IQGAP1: variants seen among roughly 807,000 people sequenced by gnomAD.
IQGAP1 encodes IQ motif containing GTPase activating protein 1.
Under a neutral mutation model 215.6 loss-of-function variants are expected in IQGAP1, and 66 were observed. That is an observed-to-expected ratio of 0.31 (90% CI 0.25 to 0.38). IQGAP1 has a LOEUF of 0.38. IQGAP1 is among the 10% of genes least tolerant of loss of function. The probability of loss-of-function intolerance (pLI) is 1.00; values close to 1 mark genes in which losing one functional copy is unlikely to be tolerated. For missense variants in IQGAP1, 1,712 were observed against 1,997.1 expected, an observed-to-expected ratio of 0.86 and a Z score of 2.72; for synonymous variants, 772 against 728.7, an observed-to-expected ratio of 1.06 and a Z score of -0.96.
In IQGAP1 at chr15:90,421,728, C is replaced by A. The variant is rs151083368; in HGVS notation, c.156-4382C>A. Among the ~76,000 whole-genome samples, 954 of 152,268 alleles carry A rather than the reference C, an allele frequency of 6.3e-3. 10 individuals are homozygous for A. Among genetic ancestry groups the A allele is most frequent in the African/African-American group, 0.022 (915 of 41,550 alleles). On this transcript the variant is annotated intron_variant, in intron 2 of 37. Coordinates refer to ENST00000268182, the MANE Select transcript of IQGAP1 (RefSeq NM_003870.4). ...TCTTTTAAGACAGAGACTTGCTCTGCTGTTGCCCAGGCTGGAGTGCAGTGA... is the reference window on the plus strand; with the variant it reads ...TCTTTTAAGACAGAGACTTGCTCTGATGTTGCCCAGGCTGGAGTGCAGTGA...
Position 90,477,285 on chromosome 15 carries a change from C to G in IQGAP1, c.3104+55C>G, listed in dbSNP as rs1965993438. The G allele has an allele frequency of 4.2e-6, 6 of 1,427,616 alleles. No homozygotes were observed. The South Asian group carries it at 6.2e-5, about 15-fold the overall frequency. The allele number at this position is 1,427,616 out of a possible 1,614,324, so 88.4% of individuals were successfully genotyped here. A position where few individuals can be genotyped will look rare whatever the true frequency, so the allele number is the denominator to read the frequency against. ...CCCTTCCCACTATCAGAGGGGCTCCCAGTTTGAGATTCATGCCTTCCTGAT... is the reference window on the plus strand; with the variant it reads ...CCCTTCCCACTATCAGAGGGGCTCCGAGTTTGAGATTCATGCCTTCCTGAT... On this transcript the variant is annotated intron_variant, in intron 25 of 37. Transcript: ENST00000268182.
intron 36 of IQGAP1, among the ~76,000 whole-genome samples, chr15:90,495,778 C>G (rs770458392): frequency 6.7e-6 from 1 of 150,350 alleles, no homozygotes; most frequent in East Asian, 1.9e-4. Flanking sequence ...GGTGGGACTA[C>G]AGGCATGCAC....
At chr15:90,402,743 GA>G in intron 2 of IQGAP1, among the ~76,000 whole-genome samples, 1 of 152,224 alleles carries the variant, frequency 6.6e-6, no homozygotes. Context: ...AGGAATACAA[GA>G]GGGAGTGGGG....
intron 33 of IQGAP1, among the ~76,000 whole-genome samples, chr15:90,488,153 G>A (rs375840355): frequency 2.6e-4 from 40 of 152,164 alleles, no homozygotes; most frequent in African/African-American, 9.4e-4. Flanking sequence ...CCCAGGAGGC[G>A]GAGCCTGCAT....
At chr15:90,452,196 G>T (rs953794791) in intron 11 of IQGAP1, among the ~76,000 whole-genome samples, 5 of 152,138 alleles carry the variant, frequency 3.3e-5, no homozygotes, top group African/African-American at 4.8e-5. Flanking sequence ...CACACTTCAT[G>T]ATTTGTTAGG....
intron 2 of IQGAP1, among the ~76,000 whole-genome samples, chr15:90,410,693 G>T (rs1182096371): frequency 6.6e-6 from 1 of 151,514 alleles, no homozygotes; most frequent in Non-Finnish European, 1.5e-5. Context: ...TTGTGGGGTA[G>T]GGGGAGGGGA....
At position 90,441,554 on chromosome 15, in the gene IQGAP1, C is replaced by G; in HGVS notation, c.698C>G (p.Pro233Arg). The change falls in exon 8 of 38, where the codon CCA (proline) becomes CGA (arginine). Residue 233 changes from proline (P) to arginine (R), a missense_variant. Around this residue, in one of 2 missense-constraint regions of IQGAP1, gnomAD observed 1,021 missense variants for 1,074.2 expected, o/e 0.95. Coordinates refer to ENST00000268182, the MANE Select transcript of IQGAP1 (RefSeq NM_003870.4). ...AINEAIDRRI[P>R]ADTFAALKNP... ...AATGAAGCTATTGACCGTAGAATTC[C>G]AGCCGACACATTTGCAGCTTTGAAA... 2 of 1,613,512 alleles carry G rather than the reference C, an allele frequency of 1.2e-6. No individual in the cohort carries two copies. Among genetic ancestry groups the G allele is most frequent in the Non-Finnish European group, 1.7e-6 (2 of 1,179,880 alleles).
intron 9 of IQGAP1, among the ~76,000 whole-genome samples, chr15:90,445,373 C>T (rs1965513206): frequency 6.6e-6 from 1 of 152,058 alleles, no homozygotes; most frequent in African/African-American, 2.4e-5. Context: ...CTCATCTCTT[C>T]CTAATCCAAA....
At chr15:90,409,235 C>CTTTT (rs138296381) in intron 2 of IQGAP1, among the ~76,000 whole-genome samples, 1 of 118,450 alleles carries the variant, frequency 8.4e-6, no homozygotes, top group Non-Finnish European at 1.7e-5. Context: ...CCTATATTCA[C>CTTTT]TTTTTTTTTT....
At chr15:90,427,102 CAA>C (rs34625303) in intron 3 of IQGAP1, among the ~76,000 whole-genome samples, 1 of 145,526 alleles carries the variant, frequency 6.9e-6, no homozygotes. Context: ...CCCTGTCTTA[CAA>C]AAAAAAAAAT....
intron 15 of IQGAP1, among the ~76,000 whole-genome samples, chr15:90,464,655 C>T (rs1214001649): frequency 6.6e-6 from 1 of 152,012 alleles, no homozygotes; most frequent in African/African-American, 2.4e-5. Flanking sequence ...TTGAGACCAT[C>T]CTGGCTAACA....
At position 90,476,729 on chromosome 15, in the gene IQGAP1, A is replaced by G; in HGVS notation, c.2851A>G (p.Ile951Val). 1 of 1,606,690 alleles carries G rather than the reference A, an allele frequency of 6.2e-7. No homozygotes were observed. ...GGAACAGTTGTCTGATATGATGATG[A>G]TAAATAAACAGAAGGGAGGTCTCAA... ...NKEQLSDMMM[I>V]NKQKGGLKAL... is the part of the protein sequence containing the mutation. The change falls in exon 24 of 38, where the codon ATA (isoleucine) becomes GTA (valine). Residue 951 changes from isoleucine to valine, a missense_variant. Around this residue, in one of 2 missense-constraint regions of IQGAP1, gnomAD observed 691 missense variants for 923.0 expected, o/e 0.75. Coordinates refer to ENST00000268182, the MANE Select transcript of IQGAP1 (RefSeq NM_003870.4).
At chr15:90,418,486 G>C (rs150445935) in intron 2 of IQGAP1, among the ~76,000 whole-genome samples, 51 of 152,158 alleles carry the variant, frequency 3.4e-4, no homozygotes, top group African/African-American at 1.2e-3. Flanking sequence ...TACTCAGGAG[G>C]CTGAGGTGGG....
chr15:90,404,643 G>T (rs1232972021), intron 2 of IQGAP1, among the ~76,000 whole-genome samples: 2 of 151,826 alleles, frequency 1.3e-5, no homozygotes, highest in African/African-American at 2.4e-5. Context: ...CTGTTGCCCA[G>T]CCTGGCGTGC....
intron 9 of IQGAP1, 78 bp downstream of exon 9, chr15:90,443,556 A>G (rs988900497): frequency 3.7e-6 from 3 of 813,790 alleles, no homozygotes; most frequent in South Asian, 1.8e-5. Flanking sequence ...GGGACTTACA[A>G]CATAGTTTGA....
chr15:90,409,784 A>G (rs1193335795), intron 2 of IQGAP1, among the ~76,000 whole-genome samples: 1 of 151,982 alleles, frequency 6.6e-6, no homozygotes, highest in African/African-American at 2.4e-5. Context: ...AAGTGTTCCT[A>G]TTTCTCCACA....
At chr15:90,488,291 G>A (rs28629981) in intron 33 of IQGAP1, among the ~76,000 whole-genome samples, 34,997 of 151,736 alleles carry the variant, frequency 0.23, 5,666 homozygotes, top group African/African-American at 0.46. Flanking sequence ...ATATACTTAC[G>A]TTCTCCCATA....
At chr15:90,474,834 A>G (rs1248035636) in intron 23 of IQGAP1, 141 bp downstream of exon 23, 1 of 622,548 alleles carries the variant, frequency 1.6e-6, no homozygotes, top group East Asian at 2.8e-5. Context: ...TTTTCTTTTG[A>G]CTGAGTCTCA....
At position 90,500,130 on chromosome 15, in the gene IQGAP1, A is replaced by G; in HGVS notation, c.*22A>G. 2.2e-6 allele frequency: 3 copies of G among 1,358,214 alleles called. No individual in the cohort carries two copies. Among genetic ancestry groups the G allele is most frequent in the Non-Finnish European group, 3.2e-6 (3 of 947,450 alleles). 84.1% of individuals were successfully genotyped at this position (1,358,214 alleles called of 1,614,324 possible). ...GTAATTGATCGTTTGCTGCCAGCCC[A>G]GAAGGATGAAGGAAAGAAGCACCTC... On this transcript the variant is annotated 3_prime_UTR_variant, in exon 38 of 38. Coordinates refer to ENST00000268182, the MANE Select transcript of IQGAP1 (RefSeq NM_003870.4).
Sources: allele counts gnomAD v4.1 joint callset (sites outside exome capture counted in the v4.1 genomes callset), GRCh38; gene constraint gnomAD v4.1.1; regional missense constraint gnomAD v4.1.1; transcripts MANE v1.5; gene names NCBI Gene and HGNC (gene_info 2026-07-23, HGNC 2026-07-21).